ANGPT1: variants seen among roughly 807,000 people sequenced by gnomAD.
ANGPT1 encodes angiopoietin 1.
ANGPT1 carries 17 observed loss-of-function variants against 62.2 expected under a neutral mutation model. That is an observed-to-expected ratio of 0.27 (90% confidence interval 0.19 to 0.41). The LOEUF is 0.41. ANGPT1 is among the 10% of genes least tolerant of loss of function. The pLI is 1.00. For synonymous variants in ANGPT1, 199 were observed against 198.9 expected, an observed-to-expected ratio of 1.00 and a Z score of 0.00; for missense variants, 478 against 594.9, an observed-to-expected ratio of 0.80 and a Z score of 2.04.
chr8:107,457,309 CA>C (rs1310111980), intron 1 of ANGPT1, among the ~76,000 whole-genome samples: 7 of 151,962 alleles, frequency 4.6e-5, no homozygotes, highest in Non-Finnish European at 1.0e-4. Flanking sequence ...GTCTTCCTGT[CA>C]TTTGGAAATA....
chr8:107,298,822 G>A (rs1402927059), intron 5 of ANGPT1, among the ~76,000 whole-genome samples: 2 of 151,670 alleles, frequency 1.3e-5, no homozygotes, highest in African/African-American at 4.8e-5. Flanking sequence ...TTTTGTGTAG[G>A]TTGCCTTGAG....
At chr8:107,342,186 G>A (rs917132141) in intron 2 of ANGPT1, among the ~76,000 whole-genome samples, 11 of 152,286 alleles carry the variant, frequency 7.2e-5, no homozygotes, top group Non-Finnish European at 7.3e-5. Context: ...CTATTTGTGG[G>A]TACCTATTAC....
chr8:107,477,692 C>T (rs142352596), intron 1 of ANGPT1, among the ~76,000 whole-genome samples: 36 of 152,196 alleles, frequency 2.4e-4, no homozygotes, highest in African/African-American at 8.7e-4. Context: ...AGAAATTAAT[C>T]TTGATTTTAT....
chr8:107,384,083 G>A (rs1363162140), intron 1 of ANGPT1, among the ~76,000 whole-genome samples: 1 of 152,106 alleles, frequency 6.6e-6, no homozygotes, highest in Non-Finnish European at 1.5e-5. Context: ...GTTTGTATTT[G>A]AAGAGGTGGA....
At chr8:107,373,580 C>CA (rs990392191) in intron 1 of ANGPT1, among the ~76,000 whole-genome samples, 5 of 152,184 alleles carry the variant, frequency 3.3e-5, no homozygotes, top group Non-Finnish European at 5.9e-5. Context: ...ATTTCCTCTC[C>CA]AAAAAGATAC....
intron 1 of ANGPT1, among the ~76,000 whole-genome samples, chr8:107,410,363 G>A (rs1817241303): frequency 6.6e-6 from 1 of 152,148 alleles, no homozygotes; most frequent in Non-Finnish European, 1.5e-5. Context: ...CCCTAGGTCA[G>A]GTCCTAAGGC....
At chr8:107,278,643 C>T (rs1431974030) in intron 7 of ANGPT1, among the ~76,000 whole-genome samples, 3 of 152,120 alleles carry the variant, frequency 2.0e-5, no homozygotes, top group Non-Finnish European at 4.4e-5. Context: ...ACTCTGAGAA[C>T]GTCATCAGAT....
chr8:107,363,376 G>A lies in ANGPT1; in HGVS notation c.298-16279C>T, dbSNP rs115977927. Among the ~76,000 whole-genome samples, 586 of 152,272 alleles carry A rather than the reference G, an allele frequency of 3.8e-3. 6 individuals are homozygous for A. The highest frequency in any genetic ancestry group is 0.014 in the African/African-American group (564 of 41,554). On this transcript the variant is annotated intron_variant, in intron 1 of 8. Transcript: ENST00000517746. ...ATTCTCTGGTGTAACTGCATATACA[G>A]TTATCAATAAGAAGACAATGAACAG...
intron 1 of ANGPT1, among the ~76,000 whole-genome samples, chr8:107,406,662 T>C (rs1481811549): frequency 6.6e-6 from 1 of 152,032 alleles, no homozygotes; most frequent in African/African-American, 2.4e-5. Context: ...AATCCTGATG[T>C]GTTGTGAGCG....
intron 8 of ANGPT1, among the ~76,000 whole-genome samples, chr8:107,257,883 T>TGG (rs1563537245): frequency 3.5e-5 from 3 of 85,818 alleles, no homozygotes; most frequent in African/African-American, 1.8e-4. Flanking sequence ...TTTGTTTCTT[T>TGG]TTTGTTTGTT....
intron 3 of ANGPT1, among the ~76,000 whole-genome samples, chr8:107,335,641 C>T (rs1178559103): frequency 6.6e-6 from 1 of 152,036 alleles, no homozygotes; most frequent in Non-Finnish European, 1.5e-5. Flanking sequence ...ACTAAAAAAC[C>T]AAACCCTTGA....
chr8:107,303,517 A>G (rs1814644705), intron 4 of ANGPT1, 150 bp from the exon 5 acceptor site: 2 of 588,314 alleles, frequency 3.4e-6, no homozygotes, highest in Non-Finnish European at 5.4e-6. Context: ...AGACAATACT[A>G]GATTTTGAGG....
At chr8:107,397,351 A>G (rs953959124) in intron 1 of ANGPT1, among the ~76,000 whole-genome samples, 1 of 152,208 alleles carries the variant, frequency 6.6e-6, no homozygotes, top group African/African-American at 2.4e-5. Flanking sequence ...TTAGGCTCCA[A>G]TAAAACAAAG....
intron 1 of ANGPT1, among the ~76,000 whole-genome samples, chr8:107,396,367 A>G (rs1003875363): frequency 3.3e-5 from 5 of 152,158 alleles, no homozygotes; most frequent in Non-Finnish European, 5.9e-5. Context: ...AGATTCTCAA[A>G]CCCAAAATAA....
At chr8:107,257,834 T>C (rs1245467028) in intron 8 of ANGPT1, among the ~76,000 whole-genome samples, 1 of 149,800 alleles carries the variant, frequency 6.7e-6, no homozygotes, top group Non-Finnish European at 1.5e-5. Flanking sequence ...ATTCCTTCTG[T>C]CATCTCTTAA....
intron 1 of ANGPT1, among the ~76,000 whole-genome samples, chr8:107,358,163 G>T (rs1326242046): frequency 1.3e-5 from 2 of 152,120 alleles, no homozygotes; most frequent in Non-Finnish European, 2.9e-5. Flanking sequence ...GTTTGTACAG[G>T]CATAAAACTG....
At chr8:107,383,084 A>T (rs1433180) in intron 1 of ANGPT1, among the ~76,000 whole-genome samples, 72,471 of 152,048 alleles carry the variant, frequency 0.48, 19,132 homozygotes, top group Middle Eastern at 0.59. Flanking sequence ...TCTACACTGT[A>T]CAGAAACCAA....
intron 1 of ANGPT1, among the ~76,000 whole-genome samples, chr8:107,415,583 A>C (rs1461669388): frequency 1.3e-5 from 2 of 152,186 alleles, no homozygotes; most frequent in African/African-American, 4.8e-5. Context: ...TACATGATGT[A>C]ATTTAAGTCT....
At chr8:107,421,462 A>T (rs985973310) in intron 1 of ANGPT1, among the ~76,000 whole-genome samples, 1 of 152,210 alleles carries the variant, frequency 6.6e-6, no homozygotes, top group Non-Finnish European at 1.5e-5. Context: ...GTAAAGTCTC[A>T]CTTTTTCTGT....
Sources: gnomAD v4.1 joint callset for allele counts (sites outside exome capture counted in the v4.1 genomes callset) on GRCh38, gnomAD v4.1.1 for gene constraint, MANE v1.5 for transcripts, NCBI Gene and HGNC (gene_info 2026-07-23, HGNC 2026-07-21) for gene names.